Variants in TRDN observed in about 807,000 individuals in gnomAD.
The protein encoded by TRDN is triadin.
In TRDN, 161 loss-of-function variants were observed where a neutral mutation model predicts 149.7. The ratio of observed to expected loss-of-function variants is 1.08; its 90% CI spans 0.95 to 1.23. The LOEUF (loss-of-function observed/expected upper bound fraction) is 1.23. TRDN is among the 50% of genes most tolerant of loss of function. The pLI, the probability that TRDN is intolerant of heterozygous loss-of-function variation, is 0.00. For missense variants in TRDN, 896 were observed against 823.5 expected, an observed-to-expected ratio of 1.09 and a Z score of -1.08; for synonymous variants, 294 against 250.5, an observed-to-expected ratio of 1.17 and a Z score of -1.64.
intron 1 of TRDN, among the ~76,000 whole-genome samples, chr6:123,602,935 A>T (rs1784346402): frequency 2.6e-5 from 4 of 151,990 alleles, no homozygotes; most frequent in South Asian, 4.1e-4. Flanking sequence ...CAGTTATTTA[A>T]AAAAAAATCA....
At chr6:123,606,749 C>T (rs1339598960) in intron 1 of TRDN, among the ~76,000 whole-genome samples, 1 of 152,020 alleles carries the variant, frequency 6.6e-6, no homozygotes, top group African/African-American at 2.4e-5. Context: ...TATTATGTAG[C>T]AATTTTCAAA....
At chr6:123,558,478 G>T (rs1317267266) in intron 2 of TRDN, among the ~76,000 whole-genome samples, 2 of 152,024 alleles carry the variant, frequency 1.3e-5, no homozygotes, top group East Asian at 3.9e-4. Flanking sequence ...CATAGTCAAG[G>T]TTAATGCTCC....
At chr6:123,587,458 C>T (rs924269260) in intron 1 of TRDN, among the ~76,000 whole-genome samples, 2 of 152,128 alleles carry the variant, frequency 1.3e-5, no homozygotes, top group African/African-American at 4.8e-5. Context: ...AGTCTGCTTA[C>T]CCGATTTAAA....
At chr6:123,452,316 T>G (rs1775824652) in intron 10 of TRDN, among the ~76,000 whole-genome samples, 1 of 152,114 alleles carries the variant, frequency 6.6e-6, no homozygotes, top group Non-Finnish European at 1.5e-5. Flanking sequence ...TGTCACTATT[T>G]GCTGACGATA....
In TRDN at chr6:123,502,320, TAA is replaced by T. The variant is rs899960261; in HGVS notation, c.793+1397_793+1398del. On this transcript the variant is annotated intron_variant, in intron 8 of 40. Coordinates refer to ENST00000334268, the MANE Select transcript of TRDN (RefSeq NM_006073.4). ...ATTAATGACATAATTTTGATGGAAGTAATAATTAACTTTTAAATTTTTTTCAT... is the reference window on the plus strand; with the variant it reads ...ATTAATGACATAATTTTGATGGAAGTTAATTAACTTTTAAATTTTTTTCAT... 94 of 822,200 alleles carry T rather than the reference TAA, an allele frequency of 1.1e-4. No individual in the cohort carries two copies. In the African/African-American group the frequency reaches 1.6e-3, roughly 14 times the overall value. The allele number at this position is 822,200 out of a possible 1,614,324, so 50.9% of individuals were successfully genotyped here.
At chr6:123,301,092 G>A (rs1202601415) in intron 24 of TRDN, among the ~76,000 whole-genome samples, 2 of 151,862 alleles carry the variant, frequency 1.3e-5, no homozygotes, top group African/African-American at 4.8e-5. Flanking sequence ...CTATTGTCCT[G>A]ACAGCATCTA....
At chr6:123,467,995 T>C (rs1029571455) in intron 9 of TRDN, among the ~76,000 whole-genome samples, 1 of 152,104 alleles carries the variant, frequency 6.6e-6, no homozygotes, top group Non-Finnish European at 1.5e-5. Flanking sequence ...AAAATGTGGA[T>C]AGTTGTAGGG....
intron 9 of TRDN, among the ~76,000 whole-genome samples, chr6:123,475,810 C>T (rs1777444020): frequency 6.6e-6 from 1 of 151,468 alleles, no homozygotes; most frequent in Non-Finnish European, 1.5e-5. Context: ...ACAAAAACCA[C>T]ATGATTATCT....
intron 31 of TRDN, 40 bp downstream of exon 31, chr6:123,269,809 C>A: frequency 6.2e-7 from 1 of 1,602,212 alleles, no homozygotes; most frequent in South Asian, 1.1e-5. Flanking sequence ...CTGAAATGGT[C>A]AAGCGATATT....
At chr6:123,234,990 A>C (rs1775732764) in intron 38 of TRDN, among the ~76,000 whole-genome samples, 1 of 152,158 alleles carries the variant, frequency 6.6e-6, no homozygotes, top group African/African-American at 2.4e-5. Context: ...TGAGAACATA[A>C]TAGCAGTAGA....
At chr6:123,255,401 CA>C (rs1214207313) in intron 36 of TRDN, among the ~76,000 whole-genome samples, 1 of 151,902 alleles carries the variant, frequency 6.6e-6, no homozygotes, top group Non-Finnish European at 1.5e-5. Flanking sequence ...TGGAGATAAA[CA>C]AAAAAGAGTT....
chr6:123,380,950 T>C (rs1387981632), intron 16 of TRDN, among the ~76,000 whole-genome samples: 1 of 151,964 alleles, frequency 6.6e-6, no homozygotes, highest in Non-Finnish European at 1.5e-5. Context: ...CACATGGGCA[T>C]GCCAAAATAT....
intron 40 of TRDN, 111 bp from the exon 41 acceptor site, chr6:123,218,851 G>T (rs1050838362): frequency 2.6e-6 from 3 of 1,171,060 alleles, no homozygotes; most frequent in African/African-American, 1.6e-5. Flanking sequence ...AGCAGCCTCC[G>T]TAGCTGTTGG....
chr6:123,611,560 C>T (rs953552010), intron 1 of TRDN, among the ~76,000 whole-genome samples: 5 of 151,950 alleles, frequency 3.3e-5, no homozygotes, highest in African/African-American at 9.7e-5. Context: ...TTATGATGTC[C>T]TATTATGTAT....
intron 19 of TRDN, among the ~76,000 whole-genome samples, chr6:123,372,055 T>C (rs1000911623): frequency 6.6e-6 from 1 of 152,142 alleles, no homozygotes; most frequent in African/African-American, 2.4e-5. Flanking sequence ...AAGATTATAT[T>C]TGGCATGCAG....
chr6:123,355,643 A>G (rs1780639886), intron 20 of TRDN, among the ~76,000 whole-genome samples: 1 of 151,750 alleles, frequency 6.6e-6, no homozygotes, highest in Non-Finnish European at 1.5e-5. Context: ...CAATTTAAAT[A>G]AAACAATAGC....
intron 24 of TRDN, among the ~76,000 whole-genome samples, chr6:123,310,192 T>C (rs893268811): frequency 6.6e-6 from 1 of 152,026 alleles, no homozygotes; most frequent in African/African-American, 2.4e-5. Context: ...TGCAATATCA[T>C]AAACCTTGAC....
At chr6:123,593,951 T>C (rs1228347519) in intron 1 of TRDN, among the ~76,000 whole-genome samples, 1 of 152,178 alleles carries the variant, frequency 6.6e-6, no homozygotes, top group African/African-American at 2.4e-5. Flanking sequence ...GTAGAGGAAA[T>C]TGATTCCTTC....
At chr6:123,422,728 A>T (rs1773960863) in intron 12 of TRDN, among the ~76,000 whole-genome samples, 1 of 152,164 alleles carries the variant, frequency 6.6e-6, no homozygotes, top group Non-Finnish European at 1.5e-5. Context: ...GGTTAAATAA[A>T]ATGGGGCAAG....
Sources: gnomAD v4.1 joint callset for allele counts (sites outside exome capture counted in the v4.1 genomes callset) on GRCh38, gnomAD v4.1.1 for gene constraint, MANE v1.5 for transcripts, NCBI Gene and HGNC (gene_info 2026-07-23, HGNC 2026-07-21) for gene names.